Variants in GFRA1 observed in about 807,000 individuals in gnomAD.
GFRA1 encodes the protein GDNF family receptor alpha 1, also known as GDNF family receptor alpha-1.
Under a neutral mutation model 51.6 loss-of-function variants are expected in GFRA1, and 16 were observed. That is an observed-to-expected ratio of 0.31 (90% CI 0.21 to 0.47). GFRA1 has a LOEUF of 0.47. Among genes scored for constraint, GFRA1 ranks in the 20% least tolerant of loss-of-function variants. The pLI is 1.00. For missense variants in GFRA1, 530 were observed against 594.3 expected (o/e 0.89, Z 1.13); for synonymous variants, 270 against 241.3 (o/e 1.12, Z -1.10).
chr10:116,271,099 G>A lies in GFRA1; in HGVS notation c.57C>T (p.Ala19=). The A allele has an allele frequency of 3.1e-6, 5 of 1,606,568 alleles. No homozygotes were observed. Among genetic ancestry groups the A allele is most frequent in the Non-Finnish European group, 4.3e-6 (5 of 1,173,950 alleles). ...ALPLLDLLLS[A]EVSGGDRLDC... ...CCAGGCGGTCTCCGCCGCTCACTTCGGCCGACAGGAGCAAGTCTGCGGGGC... is the reference window on the plus strand; with the variant it reads ...CCAGGCGGTCTCCGCCGCTCACTTCAGCCGACAGGAGCAAGTCTGCGGGGC... Residue 19 remains alanine, a synonymous_variant, in exon 3 of 11, where the codon GCC becomes GCT. Coordinates refer to ENST00000355422, the MANE Select transcript of GFRA1 (RefSeq NM_005264.8).
At chr10:116,213,536 A>G in intron 4 of GFRA1, among the ~76,000 whole-genome samples, 1 of 152,332 alleles carries the variant, frequency 6.6e-6, no homozygotes, top group Non-Finnish European at 1.5e-5. Flanking sequence ...TTTAGCAATG[A>G]ACACGCCTTA....
chr10:116,129,698 T>C (rs1398871077), intron 5 of GFRA1, among the ~76,000 whole-genome samples: 1 of 152,110 alleles, frequency 6.6e-6, no homozygotes, highest in African/African-American at 2.4e-5. Context: ...TAAGTGAGTT[T>C]AGCAAAGTCA....
intron 6 of GFRA1, among the ~76,000 whole-genome samples, chr10:116,115,602 T>A (rs902189575): frequency 1.3e-5 from 2 of 152,220 alleles, no homozygotes; most frequent in South Asian, 4.2e-4. Context: ...GGGGACAGAT[T>A]TCCCCACGCG....
intron 6 of GFRA1, among the ~76,000 whole-genome samples, chr10:116,115,676 C>T (rs1589800601): frequency 6.6e-6 from 1 of 152,132 alleles, no homozygotes; most frequent in Non-Finnish European, 1.5e-5. Flanking sequence ...TTTTGCACCC[C>T]ATTTGTTGCT....
chr10:116,107,805 T>C (rs994142793), intron 6 of GFRA1, among the ~76,000 whole-genome samples: 2 of 150,430 alleles, frequency 1.3e-5, no homozygotes, highest in South Asian at 2.1e-4. Context: ...TAAATTATTA[T>C]AGAAATTATC....
At chr10:116,083,319 A>G (rs1955940064) in intron 9 of GFRA1, among the ~76,000 whole-genome samples, 1 of 152,108 alleles carries the variant, frequency 6.6e-6, no homozygotes, top group South Asian at 2.1e-4. Context: ...CCTCGCTTCT[A>G]TCTTCCCAGG....
intron 5 of GFRA1, among the ~76,000 whole-genome samples, chr10:116,154,313 G>A (rs1289842843): frequency 1.3e-5 from 2 of 152,130 alleles, no homozygotes; most frequent in South Asian, 2.1e-4. Context: ...AACTGGATAC[G>A]ACCAAATATC....
At chr10:116,250,933 G>A (rs561680371) in intron 4 of GFRA1, among the ~76,000 whole-genome samples, 15 of 152,304 alleles carry the variant, frequency 9.8e-5, no homozygotes, top group African/African-American at 3.6e-4. Flanking sequence ...GCCCGCCTGG[G>A]GTCCTTGGAG....
At chr10:116,067,591 T>C (rs2133777363) in intron 9 of GFRA1, among the ~76,000 whole-genome samples, 1 of 152,338 alleles carries the variant, frequency 6.6e-6, no homozygotes, top group East Asian at 1.9e-4. Context: ...TTATTCATTG[T>C]ATACTCAATC....
chr10:116,098,803 G>A (rs1329950403), intron 6 of GFRA1, among the ~76,000 whole-genome samples: 1 of 152,166 alleles, frequency 6.6e-6, no homozygotes, highest in Non-Finnish European at 1.5e-5. Flanking sequence ...TAACAACCTC[G>A]GAATTGACTC....
intron 9 of GFRA1, among the ~76,000 whole-genome samples, chr10:116,072,691 G>C (rs1449116162): frequency 2.0e-5 from 3 of 152,058 alleles, no homozygotes; most frequent in East Asian, 3.9e-4. Context: ...AACCCGGGAG[G>C]GGGAGGTTGC....
intron 4 of GFRA1, among the ~76,000 whole-genome samples, chr10:116,246,181 T>C (rs1241747776): frequency 6.6e-6 from 1 of 152,230 alleles, no homozygotes; most frequent in Non-Finnish European, 1.5e-5. Context: ...GGTTCATGCC[T>C]GTAATCCCAG....
At chr10:116,206,719 G>A (rs1032093270) in intron 5 of GFRA1, among the ~76,000 whole-genome samples, 2 of 140,276 alleles carry the variant, frequency 1.4e-5, no homozygotes, top group African/African-American at 5.4e-5. Flanking sequence ...TGCAAGCTCC[G>A]CCTCCCGGGT....
chr10:116,058,669 A>T lies in GFRA1; in HGVS notation c.*5729T>A, dbSNP rs993918072. 2 of 152,258 alleles carry T rather than the reference A, an allele frequency of 1.3e-5. No individual in the cohort carries two copies. The highest frequency in any genetic ancestry group is 4.8e-5 in the African/African-American group (2 of 41,446). 9.4% of individuals were successfully genotyped at this position (152,258 alleles called of 1,614,324 possible). ...GAAGGATTCTGCCAATCTGGAAGGG[A>T]TGGGTGTTTCCCTAAGCTGCTGTCA... On this transcript the variant is annotated 3_prime_UTR_variant, in exon 11 of 11. Transcript: ENST00000355422.
At chr10:116,116,339 C>A (rs1957412237) in intron 6 of GFRA1, among the ~76,000 whole-genome samples, 1 of 152,238 alleles carries the variant, frequency 6.6e-6, no homozygotes. Context: ...GGTGAAACAC[C>A]TGGATGACCC....
Position 116,141,505 on chromosome 10 carries a change from G to T in GFRA1, c.434-15948C>A, listed in dbSNP as rs190666448. The stretch of plus-strand genomic sequence containing the variant: ...GCCTCCTGGCAATGAGTAACTAGAG[G>T]CAGGGAAACCGAGGGGGTTGGGGGA... On this transcript the variant is annotated intron_variant, in intron 5 of 10. Transcript: ENST00000355422. Among the ~76,000 whole-genome samples, 185 of 151,996 alleles carry T rather than the reference G, an allele frequency of 1.2e-3. 1 individual carries two copies. The highest frequency in any genetic ancestry group is 1.9e-3 in the Non-Finnish European group (126 of 67,994).
chr10:116,260,812 C>G (rs996568545), intron 4 of GFRA1, among the ~76,000 whole-genome samples: 19 of 151,460 alleles, frequency 1.3e-4, no homozygotes, highest in African/African-American at 4.6e-4. Flanking sequence ...ATGCAAATTA[C>G]TCATTCATTT....
At chr10:116,124,775 C>T (rs927865911) in intron 6 of GFRA1, among the ~76,000 whole-genome samples, 1 of 152,246 alleles carries the variant, frequency 6.6e-6, no homozygotes, top group East Asian at 1.9e-4. Flanking sequence ...CTGGACACTG[C>T]TCAGTCCCTC....
chr10:116,159,301 C>G (rs1287350547), intron 5 of GFRA1, among the ~76,000 whole-genome samples: 1 of 152,202 alleles, frequency 6.6e-6, no homozygotes, highest in Admixed American at 6.5e-5. Flanking sequence ...CCTAACCCAG[C>G]AGTTCCCAAG....
Sources: gnomAD v4.1 joint callset for allele counts (sites outside exome capture counted in the v4.1 genomes callset) on GRCh38, gnomAD v4.1.1 for gene constraint, MANE v1.5 for transcripts, NCBI Gene and HGNC (gene_info 2026-07-23, HGNC 2026-07-21) for gene names.